VPS26A: variants seen among roughly 807,000 people sequenced by gnomAD.
The protein encoded by VPS26A is VPS26 retromer complex component A.
A neutral mutation model predicts 42.4 loss-of-function variants in VPS26A; 22 were observed. That is an observed-to-expected ratio of 0.52 (90% confidence interval 0.37 to 0.74). The LOEUF (loss-of-function observed/expected upper bound fraction) is 0.74. Among genes scored for constraint, VPS26A ranks in the 30% least tolerant of loss-of-function variants. The pLI is 0.00. For missense variants in VPS26A, 276 were observed against 379.2 expected (o/e 0.73, Z 2.26); for synonymous variants, 110 against 123.5 (o/e 0.89, Z 0.73).
chr10:69,171,301 ACTC>A lies in VPS26A; in HGVS notation c.*35_*37del, dbSNP rs1564690304. ...CAGGAGAAAAAAAGAAAAGCAAAAA[ACTC>A]CTGTAACCCTTGAGATTAAGTTCAG... On this transcript the variant is annotated 3_prime_UTR_variant, in exon 9 of 9. Transcript: ENST00000263559. 6.3e-7 allele frequency: 1 copy of A among 1,582,048 alleles called. No individual in the cohort carries two copies. The highest frequency in any genetic ancestry group is 8.6e-7 in the Non-Finnish European group (1 of 1,162,396).
At chr10:69,127,579 C>T (rs1240057335) in intron 1 of VPS26A, among the ~76,000 whole-genome samples, 1 of 151,472 alleles carries the variant, frequency 6.6e-6, no homozygotes, top group Non-Finnish European at 1.5e-5. Flanking sequence ...TGAATGTTAA[C>T]CCAATGCCAT....
At chr10:69,137,218 A>G (rs1408112360) in intron 2 of VPS26A, among the ~76,000 whole-genome samples, 1 of 152,228 alleles carries the variant, frequency 6.6e-6, no homozygotes, top group Admixed American at 6.5e-5. Context: ...ATATTGCCCT[A>G]TTGAAGCTCT....
intron 2 of VPS26A, among the ~76,000 whole-genome samples, chr10:69,154,524 G>A (rs1415504808): frequency 6.6e-6 from 1 of 151,604 alleles, no homozygotes; most frequent in Non-Finnish European, 1.5e-5. Context: ...CAACAAGAGC[G>A]AAACTCCGTC....
At chr10:69,137,731 A>C (rs989150294) in intron 2 of VPS26A, among the ~76,000 whole-genome samples, 3 of 152,138 alleles carry the variant, frequency 2.0e-5, no homozygotes, top group Non-Finnish European at 4.4e-5. Flanking sequence ...ACTCAAGAGG[A>C]TTATACACAT....
chr10:69,143,426 C>G (rs1223343441), intron 2 of VPS26A, among the ~76,000 whole-genome samples: 1 of 152,060 alleles, frequency 6.6e-6, no homozygotes, highest in African/African-American at 2.4e-5. Flanking sequence ...GACATCTCGC[C>G]CACAGCAAGA....
At chr10:69,168,731 CTAAA>C (rs1288237710) in intron 8 of VPS26A, 100 bp downstream of exon 8, 6 of 1,422,384 alleles carry the variant, frequency 4.2e-6, no homozygotes, top group East Asian at 4.8e-5. Context: ...GTGGGAGTTT[CTAAA>C]TAAATAAAAA....
At chr10:69,151,299 A>ACACAC (rs1841310647) in intron 2 of VPS26A, among the ~76,000 whole-genome samples, 1 of 147,556 alleles carries the variant, frequency 6.8e-6, no homozygotes, top group African/African-American at 2.6e-5. Flanking sequence ...ACACACACAC[A>ACACAC]ATTAGCCGGG....
At chr10:69,156,341 CT>C (rs1423679524) in intron 3 of VPS26A, among the ~76,000 whole-genome samples, 5 of 151,914 alleles carry the variant, frequency 3.3e-5, no homozygotes, top group Non-Finnish European at 5.9e-5. Flanking sequence ...CTTAGATCAA[CT>C]TATGTACATT....
chr10:69,169,466 A>C (rs1373221024), intron 8 of VPS26A, among the ~76,000 whole-genome samples: 1 of 150,600 alleles, frequency 6.6e-6, no homozygotes, highest in East Asian at 2.0e-4. Context: ...TAATTTTTGT[A>C]TTTTCTTTTT....
chr10:69,165,905 C>A, intron 6 of VPS26A, 137 bp from the exon 7 acceptor site: 1 of 778,752 alleles, frequency 1.3e-6, no homozygotes, highest in Non-Finnish European at 2.1e-6. Context: ...ATGATTGGAC[C>A]ACTGCACTCT....
chr10:69,166,982 C>G (rs948715916), intron 7 of VPS26A, among the ~76,000 whole-genome samples: 1 of 151,742 alleles, frequency 6.6e-6, no homozygotes, highest in African/African-American at 2.4e-5. Context: ...TAAAAATTAG[C>G]TGGGTATGGT....
Position 69,174,043 on chromosome 10 carries a change from A to T in VPS26A, c.*2774A>T, listed in dbSNP as rs1841877805. ...ATCAGCAGGACGTGGGCGGGGACAA[A>T]TAAGAGAATAAAAGCTGGCCACCCC... On this transcript the variant is annotated 3_prime_UTR_variant, in exon 9 of 9. Transcript: ENST00000263559. 6.6e-6 allele frequency among the ~76,000 whole-genome samples: 1 copy of T among 152,200 alleles called. No individual in the cohort carries two copies. The highest frequency in any genetic ancestry group is 2.4e-5 in the African/African-American group (1 of 41,462).
At chr10:69,131,560 C>T (rs1840778420) in intron 1 of VPS26A, among the ~76,000 whole-genome samples, 1 of 152,162 alleles carries the variant, frequency 6.6e-6, no homozygotes, top group Non-Finnish European at 1.5e-5. Context: ...TAGTGAAACC[C>T]TGTCTCTACT....
chr10:69,160,455 A>G (rs1487789641), intron 5 of VPS26A, among the ~76,000 whole-genome samples: 1 of 144,878 alleles, frequency 6.9e-6, no homozygotes, highest in Non-Finnish European at 1.5e-5. Context: ...ACCGCGCCCA[A>G]CATATTTTTT....
rs970398584 is a variant in VPS26A at position 69,124,213 on chromosome 10, C to T, written c.-65C>T. ...GACGGAGCGCCGGAGCGGAGGGAGC[C>T]GGGGCTGGGAGTTCTCCTGAGGGAA... On this transcript the variant is annotated 5_prime_UTR_variant, in exon 1 of 9. Transcript: ENST00000263559. The T allele has an allele frequency of 5.5e-6, 7 of 1,270,670 alleles. No homozygotes were observed. In the African/African-American group the frequency reaches 7.7e-5, roughly 14 times the overall value. The allele number at this position is 1,270,670 out of a possible 1,614,324, so 78.7% of individuals were successfully genotyped here. A position where few individuals can be genotyped will look rare whatever the true frequency, so the allele number is the denominator to read the frequency against.
intron 2 of VPS26A, among the ~76,000 whole-genome samples, chr10:69,147,625 C>T (rs914205259): frequency 4.6e-5 from 7 of 152,312 alleles, no homozygotes; most frequent in South Asian, 2.1e-4. Context: ...TTTTGCATGT[C>T]AGTATCCAGT....
At chr10:69,162,609 G>A (rs1400870090) in intron 6 of VPS26A, 97 bp downstream of exon 6, 2 of 726,746 alleles carry the variant, frequency 2.8e-6, no homozygotes, top group East Asian at 3.3e-5. Flanking sequence ...TATCCACATT[G>A]AGTACTAATT....
At chr10:69,162,170 T>G (rs971500075) in intron 5 of VPS26A, among the ~76,000 whole-genome samples, 2 of 152,060 alleles carry the variant, frequency 1.3e-5, no homozygotes, top group African/African-American at 2.4e-5. Flanking sequence ...TTTTGTATTT[T>G]TAGTAGAGAC....
At position 69,153,143 on chromosome 10, in the gene VPS26A, G is replaced by A. The variant is rs189517106; in HGVS notation, c.154-2669G>A. ...TGGTTCACTGCAACCTCCGCCCCCC[G>A]GGTTCAAGTGATTCTCTTGCCTTAG... On this transcript the variant is annotated intron_variant, in intron 2 of 8. Transcript: ENST00000263559. Among the ~76,000 whole-genome samples the A allele has an allele frequency of 1.8e-3, 271 of 146,990 alleles. 1 individual carries two copies. Among genetic ancestry groups the A allele is most frequent in the African/African-American group, 6.5e-3 (260 of 39,912 alleles).
Sources: allele counts gnomAD v4.1 joint callset (sites outside exome capture counted in the v4.1 genomes callset), GRCh38; gene constraint gnomAD v4.1.1; transcripts MANE v1.5; gene names NCBI Gene and HGNC (gene_info 2026-07-23, HGNC 2026-07-21).